MAP3K13: variants seen among roughly 807,000 people sequenced by gnomAD.
MAP3K13 encodes leucine zipper-bearing kinase.
A neutral mutation model predicts 104.0 loss-of-function variants in MAP3K13; 52 were observed. The ratio of observed to expected loss-of-function variants is 0.50; its 90% confidence interval spans 0.40 to 0.63. The LOEUF (loss-of-function observed/expected upper bound fraction) is 0.63, where lower values mean the gene tolerates loss of function less well. Among genes scored for constraint, MAP3K13 ranks in the 20% least tolerant of loss-of-function variants. The pLI is 0.00. For synonymous variants in MAP3K13, 394 were observed against 442.2 expected (o/e 0.89, Z 1.37); for missense variants, 914 against 1,218.5 (o/e 0.75, Z 3.72).
intron 2 of MAP3K13, among the ~76,000 whole-genome samples, chr3:185,307,215 C>T (rs1577409405): frequency 6.6e-6 from 1 of 151,724 alleles, no homozygotes; most frequent in South Asian, 2.1e-4. Flanking sequence ...TTTAGATTTC[C>T]ATTTCTTTCT....
At chr3:185,393,960 C>G (rs6444066) in intron 1 of MAP3K13, among the ~76,000 whole-genome samples, 106,783 of 151,894 alleles carry the variant, frequency 0.7, 38,111 homozygotes, top group Non-Finnish European at 0.77. Flanking sequence ...TGACGGTTAG[C>G]AAGGAGGAAT....
chr3:185,329,998 G>A (rs1278625781), intron 2 of MAP3K13, among the ~76,000 whole-genome samples: 7 of 136,832 alleles, frequency 5.1e-5, no homozygotes, highest in African/African-American at 1.9e-4. Flanking sequence ...TCCTGCTTCA[G>A]CCTCCCAAGT....
At chr3:185,470,681 G>A (rs1468458751) in intron 10 of MAP3K13, among the ~76,000 whole-genome samples, 2 of 152,260 alleles carry the variant, frequency 1.3e-5, no homozygotes, top group East Asian at 1.9e-4. Flanking sequence ...GAAATCCTCT[G>A]TAAGTGGACA....
chr3:185,472,839 C>T (rs1717883891), intron 10 of MAP3K13, 136 bp from the exon 11 acceptor site: 2 of 803,218 alleles, frequency 2.5e-6, no homozygotes, highest in African/African-American at 1.7e-5. Context: ...GAAGACCCCT[C>T]ATACGTTATC....
chr3:185,304,452 T>G (rs1206500185), intron 2 of MAP3K13, among the ~76,000 whole-genome samples: 1 of 152,222 alleles, frequency 6.6e-6, no homozygotes, highest in Non-Finnish European at 1.5e-5. Context: ...ATCTGGTTTT[T>G]CTTTCAGTCT....
At chr3:185,396,214 T>C (rs1712408889) in intron 1 of MAP3K13, among the ~76,000 whole-genome samples, 1 of 151,870 alleles carries the variant, frequency 6.6e-6, no homozygotes, top group Non-Finnish European at 1.5e-5. Flanking sequence ...CTACTAAAAA[T>C]ACAAAAATTA....
chr3:185,295,121 A>G lies in MAP3K13; in HGVS notation c.-86+9478A>G, dbSNP rs865926848. Among the ~76,000 whole-genome samples the G allele has an allele frequency of 6.8e-4, 103 of 152,236 alleles. No individual in the cohort carries two copies. In the Middle Eastern group the frequency reaches 0.01, roughly 15 times the overall value. On this transcript the variant is annotated intron_variant, in intron 2 of 14. Coordinates refer to the MAP3K13 transcript ENST00000424227. ...CCAAATCTTCAATCATTCTTTGTCT[A>G]CTAAGCTCAAGCCATAATGGTCTTC...
intron 1 of MAP3K13, among the ~76,000 whole-genome samples, chr3:185,395,358 T>TTTC (rs1491428919): frequency 0.09 from 372 of 4,136 alleles, 46 homozygotes; most frequent in African/African-American, 0.32. Context: ...ATATTATTTC[T>TTTC]TTTTTTTTTT....
rs115073410 is a variant in MAP3K13 at position 185,435,302 on chromosome 3, C to T, written c.476-2145C>T. Among the ~76,000 whole-genome samples, 736 of 152,118 alleles carry T rather than the reference C, an allele frequency of 4.8e-3. 5 individuals carry two copies. Among genetic ancestry groups the T allele is most frequent in the African/African-American group, 0.017 (685 of 41,512 alleles). On this transcript the variant is annotated intron_variant, in intron 2 of 13. Transcript: ENST00000265026. ...CTGGGATTACAGGCGTGAACCACCA[C>T]GCCTGGCCAATGATACTGTTTTTGT...
chr3:185,312,147 T>C (rs996083591), intron 2 of MAP3K13, among the ~76,000 whole-genome samples: 2 of 152,232 alleles, frequency 1.3e-5, no homozygotes, highest in African/African-American at 4.8e-5. Flanking sequence ...CTTCCTCTAC[T>C]GGGTATTCTG....
At chr3:185,436,063 G>T (rs1217717865) in intron 2 of MAP3K13, among the ~76,000 whole-genome samples, 1 of 152,126 alleles carries the variant, frequency 6.6e-6, no homozygotes, top group Non-Finnish European at 1.5e-5. Flanking sequence ...TAATACTCTG[G>T]TAAGAAGGGG....
intron 2 of MAP3K13, among the ~76,000 whole-genome samples, chr3:185,288,665 C>T (rs958207445): frequency 3.3e-5 from 5 of 151,778 alleles, no homozygotes; most frequent in East Asian, 1.9e-4. Context: ...GATGATTTTG[C>T]GAGTAGCTTA....
chr3:185,426,329 C>G (rs1487886395), intron 1 of MAP3K13, among the ~76,000 whole-genome samples: 1 of 152,178 alleles, frequency 6.6e-6, no homozygotes, highest in Non-Finnish European at 1.5e-5. Flanking sequence ...ATCTGCCCAC[C>G]TTGGCCTCCG....
intron 2 of MAP3K13, among the ~76,000 whole-genome samples, chr3:185,343,902 G>A (rs1368600647): frequency 6.6e-6 from 1 of 152,198 alleles, no homozygotes; most frequent in Non-Finnish European, 1.5e-5. Flanking sequence ...AGGGCTTCCT[G>A]CCTGTAAGGA....
chr3:185,296,165 G>A (rs1025116029), intron 2 of MAP3K13, among the ~76,000 whole-genome samples: 9 of 152,156 alleles, frequency 5.9e-5, no homozygotes, highest in Non-Finnish European at 1.2e-4. Context: ...GATTGCTGGA[G>A]CCCAGGAGGT....
chr3:185,462,505 G>A (rs1717164899), intron 7 of MAP3K13, among the ~76,000 whole-genome samples: 1 of 152,182 alleles, frequency 6.6e-6, no homozygotes, highest in Non-Finnish European at 1.5e-5. Context: ...GGGTGCGGTG[G>A]CTCATGCCTG....
intron 1 of MAP3K13, among the ~76,000 whole-genome samples, chr3:185,419,876 G>T (rs1483479831): frequency 2.6e-5 from 4 of 151,980 alleles, no homozygotes; most frequent in African/African-American, 9.7e-5. Context: ...TCTATTTCTT[G>T]ATAAATTTAT....
At position 185,450,775 on chromosome 3, in the gene MAP3K13, A is replaced by T. The variant is rs1715835199; in HGVS notation, c.1170-512A>T. On this transcript the variant is annotated intron_variant, in intron 6 of 13. Coordinates refer to ENST00000265026, the MANE Select transcript of MAP3K13 (RefSeq NM_004721.5). This position sits in a 1 kb window ranked among gnomAD's most constrained non-coding sequence, Gnocchi z 4.2. ...CATAGTGAGACCCCGTCTCTGAAAAAAAAATAAAAAATAAATTTAAAGAAA... is the reference window on the plus strand; with the variant it reads ...CATAGTGAGACCCCGTCTCTGAAAATAAAATAAAAAATAAATTTAAAGAAA... Among the ~76,000 whole-genome samples the T allele has an allele frequency of 6.6e-6, 1 of 152,078 alleles. No individual in the cohort carries two copies. The highest frequency in any genetic ancestry group is 2.4e-5 in the African/African-American group (1 of 41,418).
rs541834394 is a variant in MAP3K13 at position 185,378,006 on chromosome 3, TG to T, written c.-86+14644del. Among the ~76,000 whole-genome samples the T allele has an allele frequency of 2.6e-3, 389 of 151,046 alleles. 1 individual carries two copies. Among genetic ancestry groups the T allele is most frequent in the African/African-American group, 8.9e-3 (365 of 41,058 alleles). On this transcript the variant is annotated intron_variant, in intron 1 of 13. Transcript: ENST00000265026. Reference sequence around the variant, plus strand: ...CGGCACTTGTAGCAAGCTCCTGGGGTGGGGGGAGGTTCTGGAGGAACCCCTG... The same window carrying T: ...CGGCACTTGTAGCAAGCTCCTGGGGTGGGGGAGGTTCTGGAGGAACCCCTG...
Sources: allele counts gnomAD v4.1 joint callset (sites outside exome capture counted in the v4.1 genomes callset), GRCh38; gene constraint gnomAD v4.1.1; non-coding constraint Gnocchi (gnomAD v3.1); transcripts MANE v1.5; gene names NCBI Gene and HGNC (gene_info 2026-07-23, HGNC 2026-07-21).